Variants in MINDY3 observed in about 807,000 individuals in gnomAD.
MINDY3 encodes the protein MINDY lysine 48 deubiquitinase 3.
In MINDY3, 38 loss-of-function variants were observed where a neutral mutation model predicts 69.2. The observed-to-expected ratio is 0.55, with a 90% CI of 0.42 to 0.72. The LOEUF (loss-of-function observed/expected upper bound fraction) is 0.72. MINDY3 is among the 30% of genes least tolerant of loss of function. MINDY3 has a pLI of 0.00. For synonymous variants in MINDY3, 192 were observed against 180.1 expected (o/e 1.07, Z -0.53); for missense variants, 522 against 519.0 (o/e 1.01, Z -0.06).
At chr10:15,836,061 T>C (rs1036788950) in intron 6 of MINDY3, among the ~76,000 whole-genome samples, 1 of 152,178 alleles carries the variant, frequency 6.6e-6, no homozygotes, top group East Asian at 1.9e-4. Flanking sequence ...CTTTGTACAG[T>C]GTACATAGAA....
At chr10:15,825,380 A>G (rs1840020381) in intron 8 of MINDY3, among the ~76,000 whole-genome samples, 1 of 152,208 alleles carries the variant, frequency 6.6e-6, no homozygotes. Context: ...TTAATTTACT[A>G]TCTTTTATTA....
At chr10:15,829,340 A>G (rs115971764) in intron 8 of MINDY3, among the ~76,000 whole-genome samples, 2,591 of 152,256 alleles carry the variant, frequency 0.017, 54 homozygotes, top group African/African-American at 0.056. Context: ...CCCTGACTAC[A>G]CAATATCACT....
intron 1 of MINDY3, among the ~76,000 whole-genome samples, chr10:15,851,692 C>T (rs187739347): frequency 1.4e-4 from 21 of 152,176 alleles, no homozygotes; most frequent in East Asian, 1.2e-3. Context: ...TTTCCAACCA[C>T]GTCTCCCTAT....
chr10:15,800,638 G>C (rs771823165), intron 10 of MINDY3, among the ~76,000 whole-genome samples: 3 of 151,966 alleles, frequency 2.0e-5, no homozygotes, highest in Non-Finnish European at 4.4e-5. Flanking sequence ...TAGTGATGCC[G>C]GAAGTTCTCC....
At chr10:15,805,150 G>A (rs984938001) in intron 10 of MINDY3, among the ~76,000 whole-genome samples, 6 of 151,946 alleles carry the variant, frequency 3.9e-5, no homozygotes, top group African/African-American at 7.3e-5. Flanking sequence ...TATCGTAATC[G>A]ACCAACTAAC....
At chr10:15,853,158 G>T (rs1374439084) in intron 1 of MINDY3, among the ~76,000 whole-genome samples, 1 of 152,068 alleles carries the variant, frequency 6.6e-6, no homozygotes, top group Non-Finnish European at 1.5e-5. Context: ...GTTGGATCAA[G>T]AATTATTAAT....
chr10:15,846,792 C>T (rs1445189277), intron 2 of MINDY3, among the ~76,000 whole-genome samples: 2 of 150,274 alleles, frequency 1.3e-5, no homozygotes, highest in Admixed American at 6.6e-5. Context: ...GGCGCAATCT[C>T]GGCTCACTGC....
At chr10:15,781,893 C>T (rs552811842) in intron 14 of MINDY3, among the ~76,000 whole-genome samples, 7 of 152,276 alleles carry the variant, frequency 4.6e-5, no homozygotes, top group African/African-American at 1.2e-4. Context: ...AAACACGCTA[C>T]ACTGCCAAGG....
At chr10:15,853,776 C>G (rs760018087) in intron 1 of MINDY3, among the ~76,000 whole-genome samples, 3 of 151,580 alleles carry the variant, frequency 2.0e-5, no homozygotes, top group Admixed American at 1.3e-4. Flanking sequence ...CCTAGTATAA[C>G]TACCAATAAG....
chr10:15,844,142 A>G (rs555954712), intron 2 of MINDY3, among the ~76,000 whole-genome samples: 1 of 152,316 alleles, frequency 6.6e-6, no homozygotes, highest in Admixed American at 6.5e-5. Flanking sequence ...CGAAGATTAT[A>G]TGAGAAAATC....
intron 11 of MINDY3, among the ~76,000 whole-genome samples, chr10:15,790,358 G>A (rs1837317180): frequency 6.6e-6 from 1 of 152,136 alleles, no homozygotes; most frequent in Non-Finnish European, 1.5e-5. Flanking sequence ...GAGTCATCTA[G>A]AATAATTAAA....
At chr10:15,803,814 A>C (rs1167423048) in intron 10 of MINDY3, among the ~76,000 whole-genome samples, 3 of 152,058 alleles carry the variant, frequency 2.0e-5, no homozygotes, top group Non-Finnish European at 4.4e-5. Context: ...AATGTACACT[A>C]ATCCTACACT....
rs571459392 is a variant in MINDY3 at position 15,857,958 on chromosome 10, C to T, written c.94+2248G>A. 12 of 984,542 alleles carry T rather than the reference C, an allele frequency of 1.2e-5. No homozygotes were observed. The Admixed American group carries it at 3.7e-4, about 30-fold the overall frequency. The allele number at this position is 984,542 out of a possible 1,614,324, so 61.0% of individuals were successfully genotyped here. A position where few individuals can be genotyped will look rare whatever the true frequency, so the allele number is the denominator to read the frequency against. ...AGACTGCAGTTGTCAACTGAAGACA[C>T]GATCACAGACTATGAAATAAAGCCA... On this transcript the variant is annotated intron_variant, in intron 1 of 14. Transcript: ENST00000277632.
At chr10:15,784,004 C>T (rs113896772) in intron 13 of MINDY3, among the ~76,000 whole-genome samples, 1 of 152,198 alleles carries the variant, frequency 6.6e-6, no homozygotes, top group Non-Finnish European at 1.5e-5. Context: ...GAATCAGCTA[C>T]TAAAATACCT....
At chr10:15,843,014 C>A (rs1833587053) in intron 3 of MINDY3, among the ~76,000 whole-genome samples, 198 bp downstream of exon 3, 1 of 151,584 alleles carries the variant, frequency 6.6e-6, no homozygotes, top group Non-Finnish European at 1.5e-5. Context: ...CTTAGTTATA[C>A]CATCATGTCT....
At chr10:15,815,510 T>C (rs906122200) in intron 10 of MINDY3, among the ~76,000 whole-genome samples, 1 of 152,208 alleles carries the variant, frequency 6.6e-6, no homozygotes, top group Non-Finnish European at 1.5e-5. Context: ...TCATTGACTA[T>C]ACATGCTCAA....
intron 10 of MINDY3, among the ~76,000 whole-genome samples, chr10:15,809,516 C>T (rs1838856592): frequency 6.6e-6 from 1 of 152,150 alleles, no homozygotes; most frequent in South Asian, 2.1e-4. Context: ...TCTCCATGTA[C>T]AGACCTTTGT....
At chr10:15,805,040 G>A (rs1838534934) in intron 10 of MINDY3, among the ~76,000 whole-genome samples, 1 of 152,070 alleles carries the variant, frequency 6.6e-6, no homozygotes, top group African/African-American at 2.4e-5. Context: ...ATGCACAAGT[G>A]GAAATAACGC....
Position 15,796,155 on chromosome 10 carries a change from G to A in MINDY3, c.900C>T (p.Ala300=), listed in dbSNP as rs1284017000. The change falls in exon 11 of 15, where the codon GCC becomes GCT. Residue 300 remains alanine, a synonymous_variant. Transcript: ENST00000277632. ...VFFAKDMALV[A]PEAPSEQARR... ...TGGCTTGTTCTGAAGGAGCTTCAGG[G>A]GCAACTAAAGCCATATCCTGAAAAG... 1.2e-6 allele frequency: 2 copies of A among 1,612,400 alleles called. No individual in the cohort carries two copies. Among genetic ancestry groups the A allele is most frequent in the Non-Finnish European group, 1.7e-6 (2 of 1,178,970 alleles).
Sources: gnomAD v4.1 joint callset for allele counts (sites outside exome capture counted in the v4.1 genomes callset) on GRCh38, gnomAD v4.1.1 for gene constraint, MANE v1.5 for transcripts, NCBI Gene and HGNC (gene_info 2026-07-23, HGNC 2026-07-21) for gene names.